BORCS5: variants seen among roughly 807,000 people sequenced by gnomAD.
BORCS5 encodes the protein BLOC-1 related complex subunit 5, also known as BLOC-1-related complex subunit 5.
Under a neutral mutation model 22.1 loss-of-function variants are expected in BORCS5, and 17 were observed. That is an observed-to-expected ratio of 0.77 (90% confidence interval 0.53 to 1.15). BORCS5 has a LOEUF of 1.15. Ranked by LOEUF, BORCS5 falls within the 50% of genes most tolerant of loss-of-function variation. The probability of loss-of-function intolerance (pLI) is 0.00; values close to 1 mark genes in which losing one functional copy is unlikely to be tolerated. For missense variants in BORCS5, 247 were observed against 253.2 expected (o/e 0.98, Z 0.17); for synonymous variants, 117 against 99.8 (o/e 1.17, Z -1.03).
chr12:12,405,171 C>A (rs929805217), intron 2 of BORCS5, among the ~76,000 whole-genome samples: 4 of 152,130 alleles, frequency 2.6e-5, no homozygotes, highest in Non-Finnish European at 5.9e-5. Context: ...GAGAGACAAC[C>A]CATAAAGGTA....
At chr12:12,371,495 T>C (rs1383879747) in intron 2 of BORCS5, among the ~76,000 whole-genome samples, 1 of 152,116 alleles carries the variant, frequency 6.6e-6, no homozygotes, top group Admixed American at 6.5e-5. Flanking sequence ...GGTTTCCCAA[T>C]GTTGCCTAGG....
intron 2 of BORCS5, among the ~76,000 whole-genome samples, chr12:12,398,080 G>A (rs926683406): frequency 1.2e-4 from 18 of 152,164 alleles, no homozygotes; most frequent in Admixed American, 3.3e-4. Flanking sequence ...TGTGTATAGC[G>A]CTTTGGGTCA....
intron 2 of BORCS5, 76 bp downstream of exon 2, chr12:12,361,425 C>T: frequency 6.6e-7 from 1 of 1,511,766 alleles, no homozygotes; most frequent in Non-Finnish European, 9.1e-7. Flanking sequence ...CTCTACTTAT[C>T]CATGTATCTT....
intron 2 of BORCS5, among the ~76,000 whole-genome samples, chr12:12,403,128 G>C (rs1941514758): frequency 6.6e-6 from 1 of 151,920 alleles, no homozygotes; most frequent in Admixed American, 6.6e-5. Context: ...AACCTATTAG[G>C]GTAGGTATTT....
intron 2 of BORCS5, among the ~76,000 whole-genome samples, chr12:12,431,646 C>T (rs567674598): frequency 3.9e-4 from 60 of 152,098 alleles, no homozygotes; most frequent in Admixed American, 3.9e-3. Flanking sequence ...GTGATCTGCC[C>T]GCCTCGGCTT....
intron 2 of BORCS5, among the ~76,000 whole-genome samples, chr12:12,385,250 C>T (rs971250644): frequency 4.0e-5 from 6 of 151,468 alleles, no homozygotes; most frequent in African/African-American, 7.3e-5. Context: ...GCCCTGACCA[C>T]GACCACAACC....
intron 3 of BORCS5, among the ~76,000 whole-genome samples, chr12:12,442,725 T>G (rs895040089): frequency 2.0e-5 from 3 of 152,240 alleles, no homozygotes; most frequent in African/African-American, 4.8e-5. Context: ...AGTCATCTTT[T>G]CCACTGCACC....
chr12:12,399,879 A>G (rs1455498926), intron 2 of BORCS5, among the ~76,000 whole-genome samples: 1 of 152,222 alleles, frequency 6.6e-6, no homozygotes, highest in Non-Finnish European at 1.5e-5. Context: ...CAGTAACTCA[A>G]AGTGTCATTG....
chr12:12,409,726 A>G (rs1357675001), intron 2 of BORCS5, among the ~76,000 whole-genome samples: 2 of 151,888 alleles, frequency 1.3e-5, no homozygotes, highest in African/African-American at 2.4e-5. Flanking sequence ...ATGATTTATA[A>G]TCCTTTGGGT....
chr12:12,398,842 C>T (rs138701747), intron 2 of BORCS5, among the ~76,000 whole-genome samples: 2 of 152,150 alleles, frequency 1.3e-5, no homozygotes, highest in Non-Finnish European at 2.9e-5. Context: ...CAAGATTAGC[C>T]AACTATTTAT....
At chr12:12,360,555 T>C (rs1314579122) in intron 1 of BORCS5, among the ~76,000 whole-genome samples, 2 of 144,908 alleles carry the variant, frequency 1.4e-5, no homozygotes, top group Admixed American at 7.1e-5. Context: ...CACATCTGAC[T>C]AATTAAAAGA....
intron 2 of BORCS5, among the ~76,000 whole-genome samples, chr12:12,410,211 G>A (rs1220198370): frequency 6.6e-6 from 1 of 152,154 alleles, no homozygotes; most frequent in Non-Finnish European, 1.5e-5. Flanking sequence ...CTTTTGCTGT[G>A]CAGAAGCTCT....
chr12:12,373,440 T>C (rs1417114481), intron 2 of BORCS5, among the ~76,000 whole-genome samples: 2 of 152,230 alleles, frequency 1.3e-5, no homozygotes, highest in African/African-American at 4.8e-5. Context: ...CTTTCAGGGA[T>C]CAAAGTCCTG....
At chr12:12,407,733 C>T (rs1218230754) in intron 2 of BORCS5, among the ~76,000 whole-genome samples, 1 of 143,102 alleles carries the variant, frequency 7.0e-6, no homozygotes, top group Non-Finnish European at 1.5e-5. Flanking sequence ...TGAGACAGGG[C>T]CTCACGCTGT....
At chr12:12,444,981 C>A (rs939566073) in intron 3 of BORCS5, among the ~76,000 whole-genome samples, 1 of 152,302 alleles carries the variant, frequency 6.6e-6, no homozygotes, top group East Asian at 1.9e-4. Context: ...AGAAAGCTTA[C>A]AAATTTATAT....
intron 3 of BORCS5, among the ~76,000 whole-genome samples, chr12:12,455,709 G>A (rs1432790315): frequency 2.0e-5 from 3 of 151,834 alleles, no homozygotes; most frequent in South Asian, 2.1e-4. Flanking sequence ...AACCCAGGAG[G>A]TGGAGGTTGC....
chr12:12,357,290 C>T lies in BORCS5; in HGVS notation c.-162C>T, dbSNP rs1863161931. On this transcript the variant is annotated 5_prime_UTR_variant, in exon 1 of 4. Coordinates refer to ENST00000314565, the MANE Select transcript of BORCS5 (RefSeq NM_058169.6). ...CTCTCCTTCTCCCGCCGCCCAGGCCCCTGCGTGGGCTGGACGCGTCAGCCC... is the reference window on the plus strand; with the variant it reads ...CTCTCCTTCTCCCGCCGCCCAGGCCTCTGCGTGGGCTGGACGCGTCAGCCC... 5 of 1,455,716 alleles carry T rather than the reference C, an allele frequency of 3.4e-6. No individual in the cohort carries two copies. The highest frequency in any genetic ancestry group is 4.5e-6 in the Non-Finnish European group (5 of 1,104,014). The allele number at this position is 1,455,716 out of a possible 1,614,324, so 90.2% of individuals were successfully genotyped here.
chr12:12,412,609 A>G (rs1021315435), intron 2 of BORCS5, among the ~76,000 whole-genome samples: 5 of 152,006 alleles, frequency 3.3e-5, no homozygotes, highest in Admixed American at 3.3e-4. Context: ...GATGCCTTTT[A>G]TTTCTTCTCT....
chr12:12,434,215 C>G (rs946155985), intron 2 of BORCS5, among the ~76,000 whole-genome samples: 6 of 139,908 alleles, frequency 4.3e-5, no homozygotes, highest in Non-Finnish European at 7.5e-5. Flanking sequence ...TCCAGGAGGT[C>G]GAGGTTGCAG....
Sources: allele counts gnomAD v4.1 joint callset (sites outside exome capture counted in the v4.1 genomes callset), GRCh38; gene constraint gnomAD v4.1.1; transcripts MANE v1.5; gene names NCBI Gene and HGNC (gene_info 2026-07-23, HGNC 2026-07-21).